GNL1: variants seen among roughly 807,000 people sequenced by gnomAD.
GNL1 encodes G protein nucleolar 1.
Under a neutral mutation model 75.2 loss-of-function variants are expected in GNL1, and 21 were observed. That is an observed-to-expected ratio of 0.28 (90% CI 0.20 to 0.40). The LOEUF (loss-of-function observed/expected upper bound fraction) is 0.40, where lower values mean the gene tolerates loss of function less well. Among genes scored for constraint, GNL1 ranks in the 10% least tolerant of loss-of-function variants. GNL1 has a pLI of 1.00. For synonymous variants in GNL1, 287 were observed against 303.4 expected, an observed-to-expected ratio of 0.95 and a Z score of 0.56; for missense variants, 579 against 775.0, an observed-to-expected ratio of 0.75 and a Z score of 3.00.
intron 8 of GNL1, among the ~76,000 whole-genome samples, chr6:30,550,472 T>C (rs777971894): frequency 4.6e-5 from 7 of 152,124 alleles, no homozygotes; most frequent in Non-Finnish European, 8.8e-5. Flanking sequence ...AAATATATCA[T>C]GCTTCCGGCC....
At position 30,555,699 on chromosome 6, in the gene GNL1, G is replaced by C; in HGVS notation, c.95C>G (p.Ser32Cys). ...RKRGLQDGLRSSSNSRSGSRE... is the reference protein window; with the variant it reads ...RKRGLQDGLRCSSNSRSGSRE... The stretch of plus-strand genomic sequence containing the variant: ...GCTCCCGCTGCGGCTGTTGGAACTG[G>C]AGCGCAGCCCATCTTGAAGCCCTGC... Residue 32 changes from serine to cysteine, a missense_variant, in exon 2 of 12, where the codon TCC (serine) becomes TGC (cysteine). Transcript: ENST00000376621. This position sits in a 1 kb window ranked among gnomAD's most constrained non-coding sequence, Gnocchi z 4.3. 1 of 1,613,560 alleles carries C rather than the reference G, an allele frequency of 6.2e-7. No homozygotes were observed. Among genetic ancestry groups the C allele is most frequent in the Non-Finnish European group, 8.5e-7 (1 of 1,179,966 alleles).
rs1799250015 is a variant in GNL1, at chr6:30,542,959, C to A, written c.*3113G>T. ...CACCTTTCCTCATTTCTCCTTTGCACCCTCTGCCTCTGAACAAGTTACAGT... is the reference window on the plus strand; with the variant it reads ...CACCTTTCCTCATTTCTCCTTTGCAACCTCTGCCTCTGAACAAGTTACAGT... On this transcript the variant is annotated 3_prime_UTR_variant, in exon 12 of 12. Transcript: ENST00000376621. The surrounding 1 kb of genome is among the most constrained non-coding windows in gnomAD (Gnocchi z 4.5). 4 of 152,312 alleles carry A rather than the reference C, an allele frequency of 2.6e-5. No homozygotes were observed. The highest frequency in any genetic ancestry group is 5.9e-5 in the Non-Finnish European group (4 of 68,072). 9.4% of individuals were successfully genotyped at this position (152,312 alleles called of 1,614,324 possible).
Position 30,552,755 on chromosome 6 carries a change from C to T in GNL1, c.905-94G>A. The T allele has an allele frequency of 8.6e-7, 1 of 1,167,586 alleles. No individual in the cohort carries two copies. The allele number at this position is 1,167,586 out of a possible 1,614,324, so 72.3% of individuals were successfully genotyped here. A position where few individuals can be genotyped will look rare whatever the true frequency, so the allele number is the denominator to read the frequency against. ...CCCTGCACAGATTATGTAACTGGCA[C>T]CCTCTGGAGTTGTACAGTGCCAACC... On this transcript the variant is annotated intron_variant, in intron 7 of 11. Coordinates refer to ENST00000376621, the MANE Select transcript of GNL1 (RefSeq NM_005275.5). The surrounding 1 kb of genome is among the most constrained non-coding windows in gnomAD (Gnocchi z 4.5).
intron 8 of GNL1, among the ~76,000 whole-genome samples, chr6:30,551,523 C>T (rs1799777659): frequency 6.6e-6 from 1 of 152,148 alleles, no homozygotes; most frequent in South Asian, 2.1e-4. Context: ...CCTCTCCCAC[C>T]CTAAATGAAG....
In GNL1 at chr6:30,553,146, C is replaced by A. The variant is rs746105468; in HGVS notation, c.842G>T (p.Trp281Leu). The change falls in exon 7 of 12, where the codon TGG becomes TTG. Residue 281 changes from tryptophan (W) to leucine (L), a missense_variant. By Grantham distance (61) the Trp-to-Leu change is moderately conservative (BLOSUM62 -2). Coordinates refer to ENST00000376621, the MANE Select transcript of GNL1 (RefSeq NM_005275.5). ...LKKSRRRGRGWTRALGPEQLL... is the reference protein window; with the variant it reads ...LKKSRRRGRGLTRALGPEQLL... The stretch of plus-strand genomic sequence containing the variant: ...CTGCTCTGGCCCCAGGGCCCGAGTC[C>A]ATCCTCTCCCCCGCCTCCGACTCTT... 1 of 1,613,814 alleles carries A rather than the reference C, an allele frequency of 6.2e-7. No individual in the cohort carries two copies. The highest frequency in any genetic ancestry group is 8.5e-7 in the Non-Finnish European group (1 of 1,179,704).
At position 30,555,266 on chromosome 6, in the gene GNL1, T is replaced by C; in HGVS notation, c.240-75A>G. The C allele has an allele frequency of 1.9e-6, 3 of 1,563,294 alleles. No individual in the cohort carries two copies. The Admixed American group carries it at 5.1e-5, about 26-fold the overall frequency. ...TCCTATTTTCTCCCCTCTTGTACAA[T>C]CAACTTCGCAAACCATTCTCTCCAG... On this transcript the variant is annotated intron_variant, in intron 2 of 11. Transcript: ENST00000376621. This position sits in a 1 kb window ranked among gnomAD's most constrained non-coding sequence, Gnocchi z 4.3.
rs1197548041 is a variant in GNL1 at position 30,556,316 on chromosome 6, A to C, written c.-113T>G. 3.2e-6 allele frequency: 4 copies of C among 1,238,248 alleles called. No individual in the cohort carries two copies. The highest frequency in any genetic ancestry group is 1.2e-5 in the South Asian group (1 of 81,218). 76.7% of individuals were successfully genotyped at this position (1,238,248 alleles called of 1,614,324 possible). On this transcript the variant is annotated 5_prime_UTR_variant, in exon 1 of 12. Transcript: ENST00000376621. This position sits in a 1 kb window ranked among gnomAD's most constrained non-coding sequence, Gnocchi z 5.7. ...CCGGGACCCTAGAGGAGGCGGGGCTAGCAGGTGACGTCAGCGGGCGGGCCC... is the reference window on the plus strand; with the variant it reads ...CCGGGACCCTAGAGGAGGCGGGGCTCGCAGGTGACGTCAGCGGGCGGGCCC...
chr6:30,555,131 G>A lies in GNL1; in HGVS notation c.300C>T (p.Ala100=). 1 of 1,612,872 alleles carries A rather than the reference G, an allele frequency of 6.2e-7. No homozygotes were observed. The highest frequency in any genetic ancestry group is 8.5e-7 in the Non-Finnish European group (1 of 1,179,972). The change falls in exon 3 of 12, where the codon GCC becomes GCT. Residue 100 remains alanine, a synonymous_variant. Transcript: ENST00000376621. This position sits in a 1 kb window ranked among gnomAD's most constrained non-coding sequence, Gnocchi z 4.3. The part of the protein sequence containing the change: ...REEVERRKRA[A]REQVLQPVSA... ...TGACCGGCTGTAGAACTTGCTCCCG[G>A]GCTGCTCTCTTTCTCCTCTCTACCT...
chr6:30,551,226 G>C (rs1799757607), intron 8 of GNL1, among the ~76,000 whole-genome samples: 1 of 152,206 alleles, frequency 6.6e-6, no homozygotes, highest in African/African-American at 2.4e-5. Context: ...CTGGAATAGA[G>C]ATCAGCTAGA....
In GNL1 at chr6:30,552,496, T is replaced by C; in HGVS notation, c.1070A>G (p.Lys357Arg). The stretch of plus-strand genomic sequence containing the variant: ...ACAGCCGATGGTCACCACCCCATCC[T>C]TGTAGCGCTCTTGGGTTGGGCCAGT... Reference protein sequence around the residue: ...EPTGPTQERYKDGVVTIGCVG... With the variant: ...EPTGPTQERYRDGVVTIGCVG... Residue 357 changes from lysine to arginine, a missense_variant, in exon 8 of 12, where the codon AAG (lysine) becomes AGG (arginine). Transcript: ENST00000376621. The surrounding 1 kb of genome is among the most constrained non-coding windows in gnomAD (Gnocchi z 4.5). The C allele has an allele frequency of 6.2e-7, 1 of 1,614,014 alleles. No homozygotes were observed.
rs545909929 is a variant in GNL1, at chr6:30,552,419, C to T, written c.1099+48G>A. 5 of 1,495,198 alleles carry T rather than the reference C, an allele frequency of 3.3e-6. No individual in the cohort carries two copies. The highest frequency in any genetic ancestry group is 1.4e-5 in the African/African-American group (1 of 72,890). The allele number at this position is 1,495,198 out of a possible 1,614,324, so 92.6% of individuals were successfully genotyped here. ...CCTCTCTCTTCTCCGAATATGAAAA[C>T]TCTGTACCTCCTTGGAGGCCACCAC... On this transcript the variant is annotated intron_variant, in intron 8 of 11. Transcript: ENST00000376621. The surrounding 1 kb of genome is among the most constrained non-coding windows in gnomAD (Gnocchi z 4.5).
Position 30,547,686 on chromosome 6 carries a change from T to C in GNL1, c.1100-156A>G. On this transcript the variant is annotated intron_variant, in intron 8 of 11. Coordinates refer to ENST00000376621, the MANE Select transcript of GNL1 (RefSeq NM_005275.5). The surrounding 1 kb of genome is among the most constrained non-coding windows in gnomAD (Gnocchi z 5.5). ...GCTCTGGGCTGCCAGGGTTAAATCCTGGCCCTTCCACTTACCAGCTTTGTG... is the reference window on the plus strand; with the variant it reads ...GCTCTGGGCTGCCAGGGTTAAATCCCGGCCCTTCCACTTACCAGCTTTGTG... The C allele has an allele frequency of 1.5e-6, 1 of 646,976 alleles. No homozygotes were observed. The highest frequency in any genetic ancestry group is 2.6e-6 in the Non-Finnish European group (1 of 382,718). 40.1% of individuals were successfully genotyped at this position (646,976 alleles called of 1,614,324 possible). A position where few individuals can be genotyped will look rare whatever the true frequency, so the allele number is the denominator to read the frequency against.
chr6:30,552,289 G>A lies in GNL1; in HGVS notation c.1099+178C>T, dbSNP rs1225972887. The stretch of plus-strand genomic sequence containing the variant: ...TGAGAAGAGGTGGAATTTAACTCAG[G>A]CTGTCATGATCCTTCCACTGCAGCA... On this transcript the variant is annotated intron_variant, in intron 8 of 11. Transcript: ENST00000376621. The surrounding 1 kb of genome is among the most constrained non-coding windows in gnomAD (Gnocchi z 4.5). 12 of 528,354 alleles carry A rather than the reference G, an allele frequency of 2.3e-5. No individual in the cohort carries two copies. The highest frequency in any genetic ancestry group is 9.6e-5 in the Admixed American group (3 of 31,244). The allele number at this position is 528,354 out of a possible 1,614,324, so 32.7% of individuals were successfully genotyped here.
Position 30,554,647 on chromosome 6 carries a change from C to T in GNL1, c.529-1G>A. 1 of 1,607,154 alleles carries T rather than the reference C, an allele frequency of 6.2e-7. No homozygotes were observed. The highest frequency in any genetic ancestry group is 8.5e-7 in the Non-Finnish European group (1 of 1,174,614). On this transcript the variant is annotated splice_acceptor_variant, in intron 4 of 11. Coordinates refer to ENST00000376621, the MANE Select transcript of GNL1 (RefSeq NM_005275.5). LOFTEE classifies it high-confidence loss of function. ...ACACCCGCCACAGCTGCCTCCATGTCTAAAAAGACAGGATCAGGAAGAGAA... is the reference window on the plus strand; with the variant it reads ...ACACCCGCCACAGCTGCCTCCATGTTTAAAAAGACAGGATCAGGAAGAGAA...
intron 8 of GNL1, among the ~76,000 whole-genome samples, chr6:30,550,015 A>C (rs1333426567): frequency 1.3e-5 from 2 of 151,948 alleles, no homozygotes; most frequent in African/African-American, 4.8e-5. Context: ...TGGTAGAGAC[A>C]GGGTTTCACC....
At position 30,556,299 on chromosome 6, in the gene GNL1, C is replaced by T. The variant is rs1800187401; in HGVS notation, c.-96G>A. The T allele has an allele frequency of 2.1e-6, 3 of 1,427,776 alleles. No individual in the cohort carries two copies. 88.4% of individuals were successfully genotyped at this position (1,427,776 alleles called of 1,614,324 possible). A position where few individuals can be genotyped will look rare whatever the true frequency, so the allele number is the denominator to read the frequency against. On this transcript the variant is annotated 5_prime_UTR_variant, in exon 1 of 12. Transcript: ENST00000376621. This position sits in a 1 kb window ranked among gnomAD's most constrained non-coding sequence, Gnocchi z 5.7. Reference sequence around the variant, plus strand: ...GCCCCCGCCGCAGGGGCCCGGGACCCTAGAGGAGGCGGGGCTAGCAGGTGA... The same window carrying T: ...GCCCCCGCCGCAGGGGCCCGGGACCTTAGAGGAGGCGGGGCTAGCAGGTGA...
At chr6:30,549,910 G>A (rs867825918) in intron 8 of GNL1, among the ~76,000 whole-genome samples, 12 of 144,534 alleles carry the variant, frequency 8.3e-5, no homozygotes, top group African/African-American at 2.9e-4. Context: ...CGTAACCTCT[G>A]CCTCCAGGAT....
In GNL1 at chr6:30,556,322, T is replaced by G; in HGVS notation, c.-119A>C. 1 of 1,178,850 alleles carries G rather than the reference T, an allele frequency of 8.5e-7. No homozygotes were observed. Among genetic ancestry groups the G allele is most frequent in the Non-Finnish European group, 1.2e-6 (1 of 822,406 alleles). The allele number at this position is 1,178,850 out of a possible 1,614,324, so 73.0% of individuals were successfully genotyped here. On this transcript the variant is annotated 5_prime_UTR_variant, in exon 1 of 12. Coordinates refer to ENST00000376621, the MANE Select transcript of GNL1 (RefSeq NM_005275.5). The surrounding 1 kb of genome is among the most constrained non-coding windows in gnomAD (Gnocchi z 5.7). Reference sequence around the variant, plus strand: ...CCCTAGAGGAGGCGGGGCTAGCAGGTGACGTCAGCGGGCGGGCCCGACAGA... The same window carrying G: ...CCCTAGAGGAGGCGGGGCTAGCAGGGGACGTCAGCGGGCGGGCCCGACAGA...
rs1800180522 is a variant in GNL1, at chr6:30,556,260, T to G, written c.-57A>C. 1.3e-6 allele frequency: 2 copies of G among 1,563,754 alleles called. No homozygotes were observed. Among genetic ancestry groups the G allele is most frequent in the Non-Finnish European group, 8.6e-7 (1 of 1,161,902 alleles). ...CCGAGCTCCCGCCGCCTCAACTGAC[T>G]GCCCCCCGGGGCAGCCCCCGCCGCA... is the stretch of plus-strand genomic sequence containing the variant. On this transcript the variant is annotated 5_prime_UTR_variant, in exon 1 of 12. Transcript: ENST00000376621. The surrounding 1 kb of genome is among the most constrained non-coding windows in gnomAD (Gnocchi z 5.7).
Sources: gnomAD v4.1 joint callset for allele counts (sites outside exome capture counted in the v4.1 genomes callset) on GRCh38, gnomAD v4.1.1 for gene constraint, Gnocchi (gnomAD v3.1) non-coding constraint, MANE v1.5 for transcripts, NCBI Gene and HGNC (gene_info 2026-07-23, HGNC 2026-07-21) for gene names.